Variants in SV2C observed in about 807,000 individuals in gnomAD.
SV2C encodes solute carrier family 22 member B3.
Under a neutral mutation model 79.7 loss-of-function variants are expected in SV2C, and 49 were observed. That is an observed-to-expected ratio of 0.61 (90% confidence interval 0.49 to 0.78). The LOEUF (loss-of-function observed/expected upper bound fraction) is 0.78. SV2C is among the 30% of genes least tolerant of loss of function. The pLI, the probability that SV2C is intolerant of heterozygous loss-of-function variation, is 0.00. For missense variants in SV2C, 833 were observed against 912.9 expected (o/e 0.91, Z 1.13); for synonymous variants, 334 against 333.2 (o/e 1.00, Z -0.03).
the SV2C span, among the ~76,000 whole-genome samples, chr5:75,864,668 G>A: frequency 6.6e-6 from 1 of 152,192 alleles, no homozygotes; most frequent in Non-Finnish European, 1.5e-5. Context: ...TCCATGCATG[G>A]AGATACTGTG....
intron 2 of SV2C, among the ~76,000 whole-genome samples, chr5:76,187,256 G>T (rs1203484448): frequency 6.6e-6 from 1 of 152,240 alleles, no homozygotes; most frequent in Non-Finnish European, 1.5e-5. Flanking sequence ...CGACATTAGA[G>T]AATAGATTGG....
the SV2C span, among the ~76,000 whole-genome samples, chr5:75,888,150 AT>A: frequency 6.6e-6 from 1 of 152,052 alleles, no homozygotes; most frequent in African/African-American, 2.4e-5. Context: ...ATCTCAGTCC[AT>A]TGTGTAAATT....
intron 9 of SV2C, 57 bp downstream of exon 9, chr5:76,295,999 T>C: frequency 1.3e-6 from 2 of 1,491,734 alleles, no homozygotes; most frequent in Non-Finnish European, 1.8e-6. Context: ...TTATTTCTTC[T>C]TAGCTTTCCC....
At chr5:76,050,139 A>C in the SV2C span, among the ~76,000 whole-genome samples, 1 of 152,258 alleles carries the variant, frequency 6.6e-6, no homozygotes, top group Non-Finnish European at 1.5e-5. Flanking sequence ...CATAGTAAGC[A>C]TTTGATCAGC....
chr5:75,931,296 G>A, the SV2C span, among the ~76,000 whole-genome samples: 1 of 152,196 alleles, frequency 6.6e-6, no homozygotes, highest in East Asian at 1.9e-4. Flanking sequence ...CTCCGGAGAA[G>A]AAAGCTGAAT....
At chr5:76,258,699 A>G (rs142455778) in intron 4 of SV2C, among the ~76,000 whole-genome samples, 68 of 152,316 alleles carry the variant, frequency 4.5e-4, no homozygotes, top group Non-Finnish European at 7.9e-4. Flanking sequence ...TATTATTTAC[A>G]TTCAAAAAAT....
intron 9 of SV2C, 52 bp from the exon 10 acceptor site, chr5:76,298,742 C>T: frequency 6.3e-7 from 1 of 1,592,636 alleles, no homozygotes. Flanking sequence ...TAGCTTTGAA[C>T]TTTGATGGAC....
At chr5:75,911,156 C>A in the SV2C span, 1 of 1,589,270 alleles carries the variant, frequency 6.3e-7, no homozygotes, top group Admixed American at 1.7e-5. Context: ...GGATCTGAAG[C>A]AAGCTCCTCT....
At chr5:76,280,741 G>A (rs928492887) in intron 4 of SV2C, among the ~76,000 whole-genome samples, 3 of 152,200 alleles carry the variant, frequency 2.0e-5, no homozygotes, top group East Asian at 1.9e-4. Flanking sequence ...GGACCTGCCC[G>A]GGTGTGGGGG....
chr5:76,048,356 T>C, the SV2C span, among the ~76,000 whole-genome samples: 6 of 152,208 alleles, frequency 3.9e-5, no homozygotes, highest in Non-Finnish European at 5.9e-5. Context: ...GAATTTGCCC[T>C]TCCTCTGCCT....
chr5:76,208,423 C>G (rs1373474224), intron 3 of SV2C, among the ~76,000 whole-genome samples: 1 of 152,170 alleles, frequency 6.6e-6, no homozygotes, highest in African/African-American at 2.4e-5. Flanking sequence ...TGATGCGTAA[C>G]TATGGCATCA....
the SV2C span, among the ~76,000 whole-genome samples, chr5:75,861,980 G>A: frequency 5.3e-5 from 8 of 152,130 alleles, no homozygotes; most frequent in African/African-American, 1.9e-4. Context: ...GAAAGTTGAA[G>A]TTAATTTTAA....
the SV2C span, among the ~76,000 whole-genome samples, chr5:75,913,600 A>G: frequency 3.9e-5 from 6 of 152,182 alleles, no homozygotes; most frequent in Admixed American, 1.3e-4. Flanking sequence ...AGATGACAAG[A>G]CTAATTCCAG....
intron 1 of SV2C, among the ~76,000 whole-genome samples, chr5:76,103,606 A>G (rs993481746): frequency 6.6e-6 from 1 of 152,220 alleles, no homozygotes; most frequent in African/African-American, 2.4e-5. Context: ...ATGCTCTTAT[A>G]GCAATATGCT....
chr5:76,241,044 C>T (rs537317668), intron 4 of SV2C, among the ~76,000 whole-genome samples: 5 of 152,210 alleles, frequency 3.3e-5, no homozygotes, highest in African/African-American at 7.2e-5. Context: ...GCAACCTCCA[C>T]CTCCCAGGTT....
the SV2C span, among the ~76,000 whole-genome samples, chr5:75,966,618 A>G: frequency 6.6e-6 from 1 of 152,208 alleles, no homozygotes; most frequent in Non-Finnish European, 1.5e-5. Context: ...CTTAATTTGC[A>G]TGTAATTAAA....
chr5:76,195,081 G>A lies in SV2C; in HGVS notation c.743G>A (p.Arg248His), dbSNP rs200529235. 2.1e-4 allele frequency: 336 copies of A among 1,613,188 alleles called. No individual in the cohort carries two copies. Among genetic ancestry groups the A allele is most frequent in the Non-Finnish European group, 2.5e-4 (296 of 1,179,730 alleles). ...VQGYGFFLFC[R>H]LLSGFGIGGA... ...GGTTATGGCTTCTTTCTCTTCTGTCGCTTACTTTCTGGATTCGGGTAAGGT... is the reference window on the plus strand; with the variant it reads ...GGTTATGGCTTCTTTCTCTTCTGTCACTTACTTTCTGGATTCGGGTAAGGT... The change falls in exon 3 of 13, where the codon CGC becomes CAC. Residue 248 changes from arginine (R) to histidine (H), a missense_variant. Arg to His is a conservative substitution (Grantham distance 29). Transcript: ENST00000502798.
intron 12 of SV2C, among the ~76,000 whole-genome samples, chr5:76,348,316 G>A (rs953819479): frequency 1.3e-5 from 2 of 152,072 alleles, no homozygotes; most frequent in Non-Finnish European, 2.9e-5. Context: ...GATGTACCAC[G>A]GTGCATCCAT....
chr5:76,334,867 C>T (rs1451279226), downstream of SV2C, among the ~76,000 whole-genome samples: 1 of 152,174 alleles, frequency 6.6e-6, no homozygotes, highest in Admixed American at 6.5e-5. Context: ...CCCAGTCTCT[C>T]CTGAAGCACA....
Sources: gnomAD v4.1 joint callset for allele counts (sites outside exome capture counted in the v4.1 genomes callset) on GRCh38, gnomAD v4.1.1 for gene constraint, MANE v1.5 for transcripts, NCBI Gene and HGNC (gene_info 2026-07-23, HGNC 2026-07-21) for gene names.